SLC37A1: variants seen among roughly 807,000 people sequenced by gnomAD.
The protein encoded by SLC37A1 is solute carrier family 37 member 1.
Under a neutral mutation model 75.3 loss-of-function variants are expected in SLC37A1, and 49 were observed. That is an observed-to-expected ratio of 0.65 (90% CI 0.52 to 0.83). SLC37A1 has a LOEUF of 0.83. Among genes scored for constraint, SLC37A1 ranks in the 40% least tolerant of loss-of-function variants. The pLI, the probability that SLC37A1 is intolerant of heterozygous loss-of-function variation, is 0.00. For synonymous variants in SLC37A1, 268 were observed against 292.1 expected (o/e 0.92, Z 0.84); for missense variants, 566 against 695.0 (o/e 0.81, Z 2.09).
chr21:42,572,527 G>A (rs1269314729), intron 17 of SLC37A1, among the ~76,000 whole-genome samples: 1 of 151,694 alleles, frequency 6.6e-6, no homozygotes, highest in African/African-American at 2.4e-5. Context: ...ATTCTTGACT[G>A]TATTTTCCAA....
rs987521906 is a variant in SLC37A1 at position 42,514,529 on chromosome 21, C to G, written c.-367C>G. On this transcript the variant is annotated 5_prime_UTR_variant, in exon 1 of 20. Transcript: ENST00000352133. The surrounding 1 kb of genome is among the most constrained non-coding windows in gnomAD (Gnocchi z 4.8). The stretch of plus-strand genomic sequence containing the variant: ...GAACGCTGGCTCGGAGCGCCGGCAC[C>G]CTGGGCCTTTGCGTTGTTTGTCGGC... 6.6e-6 allele frequency: 1 copy of G among 152,284 alleles called. No homozygotes were observed. The highest frequency in any genetic ancestry group is 1.5e-5 in the Non-Finnish European group (1 of 68,078). The allele number at this position is 152,284 out of a possible 1,614,324, so 9.4% of individuals were successfully genotyped here.
chr21:42,508,715 G>A (rs981635357), intron 2 of SLC37A1: 1 of 152,178 alleles, frequency 6.6e-6, no homozygotes, highest in African/African-American at 2.4e-5. Flanking sequence ...TCCTACTTCA[G>A]TTAGAATCCA....
chr21:42,525,275 G>C (rs2054757380), intron 2 of SLC37A1, among the ~76,000 whole-genome samples: 1 of 152,252 alleles, frequency 6.6e-6, no homozygotes, highest in Non-Finnish European at 1.5e-5. Flanking sequence ...ACCTGAGAAG[G>C]GGTTCTTGGG....
chr21:42,536,071 G>A (rs1167727928), intron 5 of SLC37A1, among the ~76,000 whole-genome samples: 1 of 152,234 alleles, frequency 6.6e-6, no homozygotes, highest in Non-Finnish European at 1.5e-5. Flanking sequence ...ATGCATGGCG[G>A]GTGGGGAACT....
rs1477949330 is a variant in SLC37A1 at position 42,535,556 on chromosome 21, T to TCTC, written c.350+9_350+11dup. ...GCCGTGGGGATGTACCTCAGGTAGG[T>TCTC]CTCCTTCAGTTTTCCAGACCCTTCC... On this transcript the variant is annotated splice_region_variant and intron_variant, in intron 5 of 19. Coordinates refer to ENST00000352133, the MANE Select transcript of SLC37A1 (RefSeq NM_001320537.2). The TCTC allele has an allele frequency of 1.2e-5, 20 of 1,613,546 alleles. No homozygotes were observed. Among genetic ancestry groups the TCTC allele is most frequent in the Non-Finnish European group, 1.5e-5 (18 of 1,179,472 alleles).
chr21:42,513,779 C>A (rs1468321777), upstream of SLC37A1: 1 of 146,518 alleles, frequency 6.8e-6, no homozygotes, highest in East Asian at 2.0e-4. Context: ...GGGGAGGAGC[C>A]GCGCGGCTCC....
intron 1 of SLC37A1, among the ~76,000 whole-genome samples, chr21:42,501,800 C>T (rs1031553146): frequency 2.0e-5 from 3 of 152,228 alleles, no homozygotes; most frequent in Non-Finnish European, 4.4e-5. Context: ...GTCACTCTTT[C>T]CTACTGGTGG....
chr21:42,560,008 G>A (rs920786398), intron 11 of SLC37A1, among the ~76,000 whole-genome samples: 1 of 152,100 alleles, frequency 6.6e-6, no homozygotes, highest in African/African-American at 2.4e-5. Flanking sequence ...TAGCACAGGC[G>A]GGAGAAGCCC....
intron 18 of SLC37A1, among the ~76,000 whole-genome samples, chr21:42,576,243 A>G (rs558756426): frequency 2.6e-5 from 4 of 152,160 alleles, no homozygotes; most frequent in Admixed American, 6.5e-5. Flanking sequence ...ATACTAGATG[A>G]TATCTGCACA....
At chr21:42,524,835 C>A (rs935703542) in intron 2 of SLC37A1, among the ~76,000 whole-genome samples, 11 of 152,190 alleles carry the variant, frequency 7.2e-5, no homozygotes, top group Non-Finnish European at 1.5e-4. Context: ...ACCTTTAGTG[C>A]TGAGTGTCTT....
chr21:42,521,858 G>T (rs55731018), intron 2 of SLC37A1, among the ~76,000 whole-genome samples: 22,156 of 152,226 alleles, frequency 0.15, 2,354 homozygotes, highest in African/African-American at 0.3. Flanking sequence ...TCCTGGGGCT[G>T]CTGTAACATG....
chr21:42,539,104 T>C (rs879504521), intron 5 of SLC37A1, among the ~76,000 whole-genome samples: 7 of 152,236 alleles, frequency 4.6e-5, no homozygotes, highest in Non-Finnish European at 7.3e-5. Flanking sequence ...CTCAGGGTCA[T>C]AAGTGATCTC....
Position 42,533,103 on chromosome 21 carries a change from G to A in SLC37A1, c.139-1595G>A, listed in dbSNP as rs866646877. 5.3e-5 allele frequency among the ~76,000 whole-genome samples: 8 copies of A among 152,172 alleles called. No individual in the cohort carries two copies. In the East Asian group the frequency reaches 5.8e-4, roughly 11 times the overall value. On this transcript the variant is annotated intron_variant, in intron 3 of 19. Coordinates refer to ENST00000352133, the MANE Select transcript of SLC37A1 (RefSeq NM_001320537.2). ...TGGCCACTCCCTCCTGAAGAGGGGG[G>A]GCAGGACTTCCGGCTGCTGCCTGCC...
chr21:42,565,020 G>A (rs539002435), intron 14 of SLC37A1, among the ~76,000 whole-genome samples: 16 of 152,392 alleles, frequency 1.0e-4, no homozygotes, highest in Admixed American at 7.8e-4. Context: ...TGGGCCGCGC[G>A]CAAGCTGCTC....
At position 42,563,772 on chromosome 21, in the gene SLC37A1, AAGG is replaced by A. The variant is rs1166695703; in HGVS notation, c.1073-40_1073-38del. The A allele has an allele frequency of 2.0e-5, 32 of 1,599,196 alleles. 1 individual carries two copies. The South Asian group carries it at 3.1e-4, about 15-fold the overall frequency. On this transcript the variant is annotated intron_variant, in intron 12 of 19. Transcript: ENST00000352133. ...CCATGGTGTGTCGCTGCGATGCGTG[AAGG>A]AGATCCTCACTGTTTCACACTCCGT...
upstream of SLC37A1, among the ~76,000 whole-genome samples, chr21:42,508,908 C>T (rs1050957026): frequency 6.6e-6 from 1 of 151,992 alleles, no homozygotes; most frequent in South Asian, 2.1e-4. Flanking sequence ...GGTGTTTGTC[C>T]CCTTATTATT....
intron 8 of SLC37A1, among the ~76,000 whole-genome samples, chr21:42,544,027 G>A (rs1236926856): frequency 6.6e-6 from 1 of 152,172 alleles, no homozygotes; most frequent in Non-Finnish European, 1.5e-5. Context: ...TCTTAACTGG[G>A]TAAAAAGTAT....
intron 8 of SLC37A1, among the ~76,000 whole-genome samples, chr21:42,544,897 C>T (rs931507199): frequency 6.6e-5 from 10 of 152,166 alleles, no homozygotes; most frequent in African/African-American, 2.2e-4. Context: ...GCACAGGGGC[C>T]CCTGGGTGTC....
At position 42,574,211 on chromosome 21, in the gene SLC37A1, T is replaced by C. The variant is rs549378084; in HGVS notation, c.1424-607T>C. Among the ~76,000 whole-genome samples the C allele has an allele frequency of 2.0e-5, 3 of 152,366 alleles. No homozygotes were observed. The South Asian group carries it at 6.2e-4, about 32-fold the overall frequency. On this transcript the variant is annotated intron_variant, in intron 17 of 19. Coordinates refer to ENST00000352133, the MANE Select transcript of SLC37A1 (RefSeq NM_001320537.2). ...AATCAGAAAGTGAGCATTGAAAGAA[T>C]ATTAGTATCTACAATTCTTATTCAA...
Sources: gnomAD v4.1 joint callset for allele counts (sites outside exome capture counted in the v4.1 genomes callset) on GRCh38, gnomAD v4.1.1 for gene constraint, Gnocchi (gnomAD v3.1) non-coding constraint, MANE v1.5 for transcripts, NCBI Gene and HGNC (gene_info 2026-07-23, HGNC 2026-07-21) for gene names.